EPHB1: variants seen among roughly 807,000 people sequenced by gnomAD.
The protein encoded by EPHB1 is ephrin type-B receptor 1.
In EPHB1, 30 loss-of-function variants were observed where a neutral mutation model predicts 94.4. The observed-to-expected ratio is 0.32, with a 90% CI of 0.24 to 0.43. The LOEUF is 0.43. EPHB1 is among the 20% of genes least tolerant of loss of function. The pLI, the probability that EPHB1 is intolerant of heterozygous loss-of-function variation, is 1.00. For missense variants in EPHB1, 1,055 were observed against 1,308.3 expected, an observed-to-expected ratio of 0.81 and a Z score of 2.99; for synonymous variants, 522 against 489.1, an observed-to-expected ratio of 1.07 and a Z score of -0.89.
chr3:134,895,072 C>T (rs925525561), intron 1 of EPHB1, among the ~76,000 whole-genome samples: 8 of 152,222 alleles, frequency 5.3e-5, no homozygotes, highest in African/African-American at 1.9e-4. Context: ...CTTTAATAAT[C>T]ACTTTCCTCT....
intron 9 of EPHB1, among the ~76,000 whole-genome samples, chr3:135,171,192 G>A (rs138527214): frequency 2.6e-5 from 4 of 152,232 alleles, no homozygotes; most frequent in South Asian, 2.1e-4. Flanking sequence ...TGAGGACCTC[G>A]TCTAATTTAC....
At chr3:135,125,784 C>T (rs1427387585) in intron 4 of EPHB1, among the ~76,000 whole-genome samples, 2 of 152,136 alleles carry the variant, frequency 1.3e-5, no homozygotes, top group Admixed American at 1.3e-4. Context: ...GTGTGCCATA[C>T]TTTGGGCTAG....
At chr3:135,168,595 A>T (rs1405679822) in intron 9 of EPHB1, among the ~76,000 whole-genome samples, 1 of 152,146 alleles carries the variant, frequency 6.6e-6, no homozygotes, top group East Asian at 1.9e-4. Context: ...TGTACCTGTG[A>T]TTCTCAAGTG....
intron 3 of EPHB1, among the ~76,000 whole-genome samples, chr3:135,049,535 C>A (rs1226489031): frequency 1.3e-5 from 2 of 152,200 alleles, no homozygotes; most frequent in Admixed American, 6.5e-5. Flanking sequence ...GGCTGGATTT[C>A]AAAATGGAGC....
rs764247466 is a variant in EPHB1, at chr3:135,132,796, A to G, written c.1044A>G (p.Thr348=). The G allele has an allele frequency of 6.2e-6, 10 of 1,613,868 alleles. No individual in the cohort carries two copies. The East Asian group carries it at 2.2e-4, about 36-fold the overall frequency. ...IILEWHPPRE[T]GGRDDVTYNI... is the part of the protein sequence containing the mutation. The stretch of plus-strand genomic sequence containing the variant: ...TGGAGTGGCACCCTCCAAGGGAGAC[A>G]GGTGGGCGGGATGATGTGACCTACA... Residue 348 remains threonine, a synonymous_variant, in exon 5 of 16, where the codon ACA becomes ACG. Coordinates refer to ENST00000398015, the MANE Select transcript of EPHB1 (RefSeq NM_004441.5).
At chr3:134,931,576 T>A (rs2038903499) in intron 2 of EPHB1, among the ~76,000 whole-genome samples, 1 of 152,216 alleles carries the variant, frequency 6.6e-6, no homozygotes, top group Admixed American at 6.5e-5. Flanking sequence ...TACGCTCTGT[T>A]GACTACTGTA....
chr3:134,843,388 C>T (rs2036812197), intron 1 of EPHB1, among the ~76,000 whole-genome samples: 1 of 152,150 alleles, frequency 6.6e-6, no homozygotes, highest in South Asian at 2.1e-4. Flanking sequence ...AGTTGGAGTT[C>T]ATTGGGATTT....
chr3:135,176,500 C>G (rs747848603), intron 9 of EPHB1, among the ~76,000 whole-genome samples: 1 of 152,222 alleles, frequency 6.6e-6, no homozygotes, highest in African/African-American at 2.4e-5. Flanking sequence ...GGCCCCAGAA[C>G]AGCAGCTGTG....
chr3:135,120,540 T>G (rs1169816160), intron 4 of EPHB1, among the ~76,000 whole-genome samples: 2 of 152,228 alleles, frequency 1.3e-5, no homozygotes, highest in African/African-American at 2.4e-5. Flanking sequence ...CACCAAGGTT[T>G]CATTGCATGC....
At chr3:135,007,493 G>T (rs771195671) in intron 3 of EPHB1, among the ~76,000 whole-genome samples, 1 of 152,168 alleles carries the variant, frequency 6.6e-6, no homozygotes, top group Admixed American at 6.5e-5. Context: ...ACTGTTGTTC[G>T]TATTATCTTG....
rs533413870 is a variant in EPHB1 at position 134,841,027 on chromosome 3, TG to T, written c.58+45342del. On this transcript the variant is annotated intron_variant, in intron 1 of 15. Coordinates refer to ENST00000398015, the MANE Select transcript of EPHB1 (RefSeq NM_004441.5). The stretch of plus-strand genomic sequence containing the variant: ...GCCTGCCCTATCTTGGGACTTCTTC[TG>T]GGGTATGGGCCCCTTCCCTGGTTTC... Among the ~76,000 whole-genome samples the T allele has an allele frequency of 1.3e-3, 195 of 152,356 alleles. 2 individuals carry two copies. Among genetic ancestry groups the T allele is most frequent in the South Asian group, 8.9e-3 (43 of 4,828 alleles).
At chr3:135,060,614 T>A (rs546695473) in intron 3 of EPHB1, among the ~76,000 whole-genome samples, 1 of 152,324 alleles carries the variant, frequency 6.6e-6, no homozygotes, top group African/African-American at 2.4e-5. Context: ...CAGTTTTTTT[T>A]ATGATAGCAT....
At chr3:135,057,155 G>T (rs1374973744) in intron 3 of EPHB1, among the ~76,000 whole-genome samples, 1 of 152,190 alleles carries the variant, frequency 6.6e-6, no homozygotes, top group Non-Finnish European at 1.5e-5. Flanking sequence ...GCAAGCCAAG[G>T]CTTCATGGTT....
rs1022541560 is a variant in EPHB1 at position 134,847,293 on chromosome 3, G to A, written c.58+51604G>A. Among the ~76,000 whole-genome samples, 6 of 152,224 alleles carry A rather than the reference G, an allele frequency of 3.9e-5. No homozygotes were observed. In the East Asian group the frequency reaches 7.7e-4, roughly 20 times the overall value. On this transcript the variant is annotated intron_variant, in intron 1 of 15. Transcript: ENST00000398015. ...AGCCACTCACCCTGAGGCTGGAGGC[G>A]TGTGCTAAAGCAGGGAGCCCCAGGA...
chr3:134,994,318 T>C (rs1934917716), intron 3 of EPHB1, among the ~76,000 whole-genome samples: 1 of 152,190 alleles, frequency 6.6e-6, no homozygotes, highest in South Asian at 2.1e-4. Context: ...AGTTGGACCC[T>C]CCCAGGGCAT....
At chr3:135,099,735 C>T (rs72977534) in intron 3 of EPHB1, among the ~76,000 whole-genome samples, 2,424 of 152,338 alleles carry the variant, frequency 0.016, 83 homozygotes, top group African/African-American at 0.054. Flanking sequence ...CTATGCAGAG[C>T]TGTTTGCATG....
intron 1 of EPHB1, among the ~76,000 whole-genome samples, chr3:134,907,888 C>G (rs1337169297): frequency 6.6e-6 from 1 of 152,196 alleles, no homozygotes; most frequent in Admixed American, 6.5e-5. Flanking sequence ...CTCCAGCCTG[C>G]TAGAATGTGG....
At chr3:134,811,709 C>T (rs1183985500) in intron 1 of EPHB1, among the ~76,000 whole-genome samples, 1 of 151,834 alleles carries the variant, frequency 6.6e-6, no homozygotes, top group Non-Finnish European at 1.5e-5. Context: ...AATCAGTTTT[C>T]ACCTTTGCTG....
intron 1 of EPHB1, among the ~76,000 whole-genome samples, chr3:134,836,683 G>C (rs2036679168): frequency 6.6e-6 from 1 of 152,164 alleles, no homozygotes; most frequent in Non-Finnish European, 1.5e-5. Flanking sequence ...TAGTATTTTA[G>C]TTATAGATGT....
Sources: allele counts gnomAD v4.1 joint callset (sites outside exome capture counted in the v4.1 genomes callset), GRCh38; gene constraint gnomAD v4.1.1; transcripts MANE v1.5; gene names NCBI Gene and HGNC (gene_info 2026-07-23, HGNC 2026-07-21).